The following CNKSR2 variants were observed in gnomAD, a reference collection of about 807,000 sequenced individuals.
CNKSR2 encodes CNK homolog protein 2.
In CNKSR2, 14 loss-of-function variants were observed where a neutral mutation model predicts 84.4. The observed-to-expected ratio is 0.17, with a 90% CI of 0.11 to 0.26. The LOEUF is 0.26. CNKSR2 is among the 10% of genes least tolerant of loss of function. The pLI, the probability that CNKSR2 is intolerant of heterozygous loss-of-function variation, is 1.00. For missense variants in CNKSR2, 485 were observed against 771.2 expected (o/e 0.63, Z 4.40); for synonymous variants, 275 against 277.9 (o/e 0.99, Z 0.10).
chrX:21,394,655 A>G (rs2090096655), intron 1 of CNKSR2, among the ~76,000 whole-genome samples: 1 of 111,660 alleles, frequency 9.0e-6, no homozygotes, highest in Admixed American at 9.6e-5. Context: ...TAAACCGTGT[A>G]TATCACAGTC....
intron 11 of CNKSR2, chrX:21,538,605 C>G (rs1192442212): frequency 8.9e-6 from 1 of 111,973 alleles, no homozygotes; most frequent in Non-Finnish European, 1.9e-5. Flanking sequence ...GCAGAATTGA[C>G]TCACACGATC....
chrX:21,514,446 C>CTT (rs1451095829), intron 8 of CNKSR2, among the ~76,000 whole-genome samples: 1 of 111,895 alleles, frequency 8.9e-6, no homozygotes, highest in Non-Finnish European at 1.9e-5. Flanking sequence ...CCCAAATGAA[C>CTT]TTTCTTGTCA....
chrX:21,429,975 T>C (rs762769636), intron 2 of CNKSR2, among the ~76,000 whole-genome samples: 1 of 112,279 alleles, frequency 8.9e-6, no homozygotes, highest in South Asian at 3.7e-4. Flanking sequence ...GTTAAAATAG[T>C]AGCACATAAA....
At chrX:21,408,080 C>T (rs1224808200) in intron 1 of CNKSR2, among the ~76,000 whole-genome samples, 2 of 111,438 alleles carry the variant, frequency 1.8e-5, no homozygotes. Flanking sequence ...GCATTTTGAT[C>T]CAACTATGCA....
chrX:21,449,531 A>G (rs777691308), intron 4 of CNKSR2, among the ~76,000 whole-genome samples: 8 of 110,783 alleles, frequency 7.2e-5, no homozygotes, highest in Non-Finnish European at 1.1e-4. Flanking sequence ...CATCTGTCTT[A>G]TGTTTCCCTT....
chrX:21,567,413 T>C (rs2092248090), intron 13 of CNKSR2, among the ~76,000 whole-genome samples: 1 of 111,574 alleles, frequency 9.0e-6, no homozygotes, highest in South Asian at 3.7e-4. Context: ...AATTAATGAG[T>C]GAGTGAGTAA....
intron 5 of CNKSR2, among the ~76,000 whole-genome samples, chrX:21,483,948 G>T (rs1388018355): frequency 2.7e-5 from 3 of 111,811 alleles, no homozygotes; most frequent in African/African-American, 6.5e-5. Context: ...GCACAGAGTT[G>T]CAGAACTTAT....
intron 9 of CNKSR2, among the ~76,000 whole-genome samples, chrX:21,516,933 C>T (rs1432221218): frequency 2.7e-5 from 3 of 111,034 alleles, no homozygotes; most frequent in African/African-American, 3.3e-5. Flanking sequence ...TAAGATGGTT[C>T]GTTTTTATGA....
chrX:21,607,965 C>T (rs1364480923), intron 19 of CNKSR2: 2 of 111,142 alleles, frequency 1.8e-5, no homozygotes, highest in Non-Finnish European at 3.8e-5. Flanking sequence ...GGGGATAATT[C>T]ATATTTTCTC....
intron 1 of CNKSR2, chrX:21,425,476 C>T (rs2090553242): frequency 9.0e-6 from 1 of 111,688 alleles, no homozygotes; most frequent in South Asian, 3.8e-4. Context: ...TCAATGGCTA[C>T]ATAATCTCTC....
chrX:21,577,927 G>A (rs891256099), intron 13 of CNKSR2, among the ~76,000 whole-genome samples: 12 of 110,923 alleles, frequency 1.1e-4, no homozygotes, highest in Admixed American at 8.7e-4. Flanking sequence ...TGATATTAAG[G>A]TACAATAATT....
chrX:21,548,395 C>T (rs1274059162), intron 11 of CNKSR2, among the ~76,000 whole-genome samples: 1 of 111,486 alleles, frequency 9.0e-6, no homozygotes, highest in Non-Finnish European at 1.9e-5. Context: ...CCTAAATAGA[C>T]CAATAACAAG....
In CNKSR2 at chrX:21,606,861, A is replaced by G. The variant is rs758911899; in HGVS notation, c.2127A>G (p.Thr709=). The change falls in exon 19 of 22, where the codon ACA becomes ACG. Residue 709 remains threonine, a synonymous_variant. Transcript: ENST00000379510. ...ATAGCCCTCCACCCCCATATGATAC[A>G]TACCCACGACCTCCCTCGGTAAGTT... The part of the protein sequence containing the change: ...KQDSPPPPYD[T]YPRPPSMSCA... The G allele has an allele frequency of 1.7e-6, 2 of 1,163,705 alleles. No homozygotes were observed. Among genetic ancestry groups the G allele is most frequent in the Non-Finnish European group, 2.3e-6 (2 of 857,869 alleles).
chrX:21,653,424 A>G lies in CNKSR2; in HGVS notation c.*903A>G, dbSNP rs901624307. The G allele has an allele frequency of 6.3e-5, 7 of 110,662 alleles. No homozygotes were observed. Among genetic ancestry groups the G allele is most frequent in the African/African-American group, 2.3e-4 (7 of 30,458 alleles). 9.1% of individuals were successfully genotyped at this position (110,662 alleles called of 1,213,427 possible). On this transcript the variant is annotated 3_prime_UTR_variant, in exon 22 of 22. Coordinates refer to ENST00000379510, the MANE Select transcript of CNKSR2 (RefSeq NM_014927.5). ...TCCAACTCTTAAAAGACAACAAGGT[A>G]TAAACTGAAATGAATCAACTTTCCA...
At chrX:21,572,354 A>C (rs1251674317) in intron 13 of CNKSR2, among the ~76,000 whole-genome samples, 1 of 112,566 alleles carries the variant, frequency 8.9e-6, no homozygotes, top group Non-Finnish European at 1.9e-5. Flanking sequence ...AACCTACTAA[A>C]TGAGTTTAAA....
chrX:21,508,479 A>G (rs1193843434), intron 8 of CNKSR2, among the ~76,000 whole-genome samples: 1 of 112,569 alleles, frequency 8.9e-6, no homozygotes, highest in East Asian at 2.8e-4. Flanking sequence ...TCTCTTTAGC[A>G]AAAGCTTTCA....
intron 11 of CNKSR2, among the ~76,000 whole-genome samples, chrX:21,542,043 A>G (rs1018105122): frequency 1.2e-4 from 14 of 112,492 alleles, no homozygotes. Flanking sequence ...TACTAACACT[A>G]TAACGAGCAT....
At chrX:21,435,539 G>A (rs1236491032) in intron 3 of CNKSR2, among the ~76,000 whole-genome samples, 1 of 111,278 alleles carries the variant, frequency 9.0e-6, no homozygotes, top group Non-Finnish European at 1.9e-5. Flanking sequence ...TTAAAATATT[G>A]ATTTCAGTGA....
intron 1 of CNKSR2, among the ~76,000 whole-genome samples, chrX:21,392,201 C>T (rs752263693): frequency 8.9e-6 from 1 of 111,840 alleles, no homozygotes; most frequent in Non-Finnish European, 1.9e-5. Context: ...CTTCTGAGCC[C>T]TCCAGACTGT....
Sources: gnomAD v4.1 joint callset for allele counts (sites outside exome capture counted in the v4.1 genomes callset) on GRCh38, gnomAD v4.1.1 for gene constraint, MANE v1.5 for transcripts, NCBI Gene and HGNC (gene_info 2026-07-23, HGNC 2026-07-21) for gene names.